The following TMX4 variants were observed in gnomAD, a reference collection of about 807,000 sequenced individuals.
TMX4 encodes thioredoxin-related transmembrane protein 4.
In TMX4, 23 loss-of-function variants were observed where a neutral mutation model predicts 33.3. The ratio of observed to expected loss-of-function variants is 0.69; its 90% CI spans 0.50 to 0.98. The LOEUF is 0.98. Among genes scored for constraint, TMX4 ranks in the 50% least tolerant of loss-of-function variants. TMX4 has a pLI of 0.00. For synonymous variants in TMX4, 164 were observed against 161.5 expected, an observed-to-expected ratio of 1.02 and a Z score of -0.12; for missense variants, 399 against 448.9, an observed-to-expected ratio of 0.89 and a Z score of 1.01.
intron 3 of TMX4, among the ~76,000 whole-genome samples, chr20:8,000,583 G>A (rs900586689): frequency 6.6e-6 from 1 of 152,114 alleles, no homozygotes; most frequent in African/African-American, 2.4e-5. Flanking sequence ...ACTGCTCTGA[G>A]CATTACTTCT....
At chr20:7,983,930 T>C in intron 6 of TMX4, 73 bp from the exon 7 acceptor site, 1 of 1,119,810 alleles carries the variant, frequency 8.9e-7, no homozygotes, top group Non-Finnish European at 1.3e-6. Flanking sequence ...AATTAGGCCT[T>C]GCTTCTATAA....
chr20:8,015,012 T>C (rs958621278), intron 1 of TMX4, among the ~76,000 whole-genome samples: 1 of 151,596 alleles, frequency 6.6e-6, no homozygotes, highest in African/African-American at 2.4e-5. Context: ...TTTTTTCTTT[T>C]TTTTTTTTTT....
chr20:7,987,942 T>C (rs192849618), intron 5 of TMX4, among the ~76,000 whole-genome samples: 3 of 152,342 alleles, frequency 2.0e-5, no homozygotes, highest in Non-Finnish European at 4.4e-5. Flanking sequence ...TAATTTATTA[T>C]GAGCAAATGA....
intron 1 of TMX4, among the ~76,000 whole-genome samples, chr20:8,011,016 A>C (rs2050750774): frequency 6.6e-6 from 1 of 152,122 alleles, no homozygotes; most frequent in Non-Finnish European, 1.5e-5. Flanking sequence ...TGGACGGTAC[A>C]ATCCAGAAAT....
In TMX4 at chr20:7,981,677, G is replaced by A. The variant is rs1391075667; in HGVS notation, c.*574C>T. ...TGGTGGAAATGCTGGAAAAATTAAA[G>A]GTAAGAAATAAAACATAGCACAGGA... On this transcript the variant is annotated 3_prime_UTR_variant, in exon 8 of 8. Transcript: ENST00000246024. The A allele has an allele frequency of 2.6e-5, 4 of 152,466 alleles. No homozygotes were observed. Among genetic ancestry groups the A allele is most frequent in the Admixed American group, 2.0e-4 (3 of 15,284 alleles). 9.4% of individuals were successfully genotyped at this position (152,466 alleles called of 1,614,324 possible).
intron 1 of TMX4, among the ~76,000 whole-genome samples, chr20:8,015,798 C>A (rs944809989): frequency 6.6e-6 from 1 of 152,186 alleles, no homozygotes; most frequent in Non-Finnish European, 1.5e-5. Flanking sequence ...ATAAACAAAG[C>A]TTTGCTCCAT....
rs749083707 is a variant in TMX4, at chr20:7,978,629, T to G, written c.*3622A>C. 1 of 152,204 alleles carries G rather than the reference T, an allele frequency of 6.6e-6. No homozygotes were observed. Among genetic ancestry groups the G allele is most frequent in the East Asian group, 1.9e-4 (1 of 5,204 alleles). 9.4% of individuals were successfully genotyped at this position (152,204 alleles called of 1,614,324 possible). Reference sequence around the variant, plus strand: ...TTTCTACTACAGTAGTTATTTTGAATGTATAGAGCTAAAGAGGCCTGTGGC... The same window carrying G: ...TTTCTACTACAGTAGTTATTTTGAAGGTATAGAGCTAAAGAGGCCTGTGGC... On this transcript the variant is annotated 3_prime_UTR_variant, in exon 8 of 8. Transcript: ENST00000246024.
At chr20:8,004,479 G>C (rs978244442) in intron 2 of TMX4, among the ~76,000 whole-genome samples, 2 of 152,156 alleles carry the variant, frequency 1.3e-5, no homozygotes, top group Non-Finnish European at 2.9e-5. Context: ...AGGCCACAAA[G>C]CCTTCCAAAA....
At position 8,018,528 on chromosome 20, in the gene TMX4, G is replaced by GAGAGAGAC. The variant is rs1568541378; in HGVS notation, c.176+909_176+910insGTCTCTCT. Among the ~76,000 whole-genome samples, 4 of 41,982 alleles carry GAGAGAGAC rather than the reference G, an allele frequency of 9.5e-5. 1 individual carries two copies. In the African/African-American group the frequency reaches 1.3e-3, roughly 14 times the overall value. The allele number at this position is 41,982 out of a possible 152,430, so 27.5% of individuals were successfully genotyped here. A position where few individuals can be genotyped will look rare whatever the true frequency, so the allele number is the denominator to read the frequency against. ...AGAGAGAGAGAGAGAGAGAGAGAGA[G>GAGAGAGAC]TCTGCAAGCCCACCATGATGGTCTC... On this transcript the variant is annotated intron_variant, in intron 1 of 7. Coordinates refer to ENST00000246024, the MANE Select transcript of TMX4 (RefSeq NM_021156.4).
intron 1 of TMX4, among the ~76,000 whole-genome samples, chr20:8,017,186 T>C (rs1269167431): frequency 6.6e-6 from 1 of 152,172 alleles, no homozygotes. Flanking sequence ...AAAATATTTC[T>C]TCAGGATGAG....
intron 6 of TMX4, among the ~76,000 whole-genome samples, chr20:7,984,437 G>T (rs2041529045): frequency 6.6e-6 from 1 of 152,114 alleles, no homozygotes; most frequent in Non-Finnish European, 1.5e-5. Flanking sequence ...CCAGGAGGTG[G>T]GGCAATGAGT....
rs1023571360 is a variant in TMX4, at chr20:7,980,663, A to G, written c.*1588T>C. ...TTAACAAACTTCAGCATACTGGGGAAGGAGACTGTCAAGTAACTGAATTGG... is the reference window on the plus strand; with the variant it reads ...TTAACAAACTTCAGCATACTGGGGAGGGAGACTGTCAAGTAACTGAATTGG... On this transcript the variant is annotated 3_prime_UTR_variant, in exon 8 of 8. Transcript: ENST00000246024. The G allele has an allele frequency of 1.3e-5, 2 of 152,276 alleles. No homozygotes were observed. The highest frequency in any genetic ancestry group is 1.3e-4 in the Admixed American group (2 of 15,282). The allele number at this position is 152,276 out of a possible 1,614,324, so 9.4% of individuals were successfully genotyped here.
At position 7,977,369 on chromosome 20, in the gene TMX4, T is replaced by C. The variant is rs138623435; in HGVS notation, c.*4882A>G. 6.6e-6 allele frequency: 1 copy of C among 152,214 alleles called. No individual in the cohort carries two copies. The highest frequency in any genetic ancestry group is 2.4e-5 in the African/African-American group (1 of 41,526). The allele number at this position is 152,214 out of a possible 1,614,324, so 9.4% of individuals were successfully genotyped here. A position where few individuals can be genotyped will look rare whatever the true frequency, so the allele number is the denominator to read the frequency against. On this transcript the variant is annotated 3_prime_UTR_variant, in exon 8 of 8. Coordinates refer to ENST00000246024, the MANE Select transcript of TMX4 (RefSeq NM_021156.4). ...GATGGAGGATGGACACGAAGGAAAA[T>C]TTTTTTTAACAAATTAATATTTTTT... is the stretch of plus-strand genomic sequence containing the variant.
chr20:8,010,946 A>C (rs1029113715), intron 1 of TMX4, among the ~76,000 whole-genome samples: 2 of 152,162 alleles, frequency 1.3e-5, no homozygotes, highest in African/African-American at 2.4e-5. Flanking sequence ...ATACTAAGAA[A>C]GCATTATGGC....
At chr20:8,001,056 G>A (rs1298941985) in intron 3 of TMX4, among the ~76,000 whole-genome samples, 1 of 152,052 alleles carries the variant, frequency 6.6e-6, no homozygotes, top group African/African-American at 2.4e-5. Flanking sequence ...TCCCCTGCCT[G>A]TACCTGAGTC....
Position 7,982,303 on chromosome 20 carries a change from A to G in TMX4, c.998T>C (p.Val333Ala), listed in dbSNP as rs1389613389. ...TTTACGCTGCCTCAAGGAGTCTTCC[A>G]CCACCTCTGTGTCAGCTGGGCAGGG... Reference protein sequence around the residue: ...EQPCPADTEVVEDSLRQRKSQ... With the variant: ...EQPCPADTEVAEDSLRQRKSQ... Residue 333 changes from valine to alanine, a missense_variant, in exon 8 of 8, where the codon GTG becomes GCG. Transcript: ENST00000246024. 2.5e-6 allele frequency: 4 copies of G among 1,613,950 alleles called. No individual in the cohort carries two copies. In the African/African-American group the frequency reaches 5.3e-5, roughly 22 times the overall value.
In TMX4 at chr20:7,982,320, T is replaced by C. The variant is rs1383281896; in HGVS notation, c.981A>G (p.Pro327=). The C allele has an allele frequency of 1.2e-6, 2 of 1,614,046 alleles. No individual in the cohort carries two copies. The highest frequency in any genetic ancestry group is 1.1e-5 in the South Asian group (1 of 91,082). Reference sequence around the variant, plus strand: ...AGTCTTCCACCACCTCTGTGTCAGCTGGGCAGGGTTGCTCAGAGATGCCTT... The same window carrying C: ...AGTCTTCCACCACCTCTGTGTCAGCCGGGCAGGGTTGCTCAGAGATGCCTT... The part of the protein sequence containing the change: ...AEEGISEQPC[P]ADTEVVEDSL... The change falls in exon 8 of 8, where the codon CCA becomes CCG. Residue 327 remains proline (P), a synonymous_variant. Transcript: ENST00000246024.
rs573772410 is a variant in TMX4, at chr20:7,980,897, G to A, written c.*1354C>T. On this transcript the variant is annotated 3_prime_UTR_variant, in exon 8 of 8. Coordinates refer to ENST00000246024, the MANE Select transcript of TMX4 (RefSeq NM_021156.4). ...ATACTGCACGTTCCTTTTTAAAGAC[G>A]ACAGAAACTTTTAGAATTTCATAAA... 3 of 152,276 alleles carry A rather than the reference G, an allele frequency of 2.0e-5. No individual in the cohort carries two copies. The highest frequency in any genetic ancestry group is 3.9e-4 in the East Asian group (2 of 5,184). 9.4% of individuals were successfully genotyped at this position (152,276 alleles called of 1,614,324 possible).
chr20:7,982,251 C>A lies in TMX4; in HGVS notation c.1050G>T (p.Ter350TyrextTer2). ...TATTCTTGAAAACGCATCATTAAATCTACAGTCCCTTGTCAGCATGCTGAC... is the reference window on the plus strand; with the variant it reads ...TATTCTTGAAAACGCATCATTAAATATACAGTCCCTTGTCAGCATGCTGAC... ...RKSQHADKGL[*>Y] The change falls in exon 8 of 8, where the codon TAG becomes TAT. Residue 350 changes from the stop codon to tyrosine (Y), a stop_lost. Coordinates refer to ENST00000246024, the MANE Select transcript of TMX4 (RefSeq NM_021156.4). The A allele has an allele frequency of 6.2e-7, 1 of 1,612,050 alleles. No homozygotes were observed. Among genetic ancestry groups the A allele is most frequent in the African/African-American group, 1.3e-5 (1 of 75,012 alleles).
Sources: allele counts gnomAD v4.1 joint callset (sites outside exome capture counted in the v4.1 genomes callset), GRCh38; gene constraint gnomAD v4.1.1; transcripts MANE v1.5; gene names NCBI Gene and HGNC (gene_info 2026-07-23, HGNC 2026-07-21).